Variants in CDH13 observed in about 807,000 individuals in gnomAD.
CDH13 encodes the protein cadherin-13.
CDH13 carries 24 observed loss-of-function variants against 63.8 expected under a neutral mutation model. The observed-to-expected ratio is 0.38, with a 90% CI of 0.27 to 0.53. The LOEUF is 0.53. Ranked by LOEUF, CDH13 falls within the 20% of genes least tolerant of loss-of-function variation. The probability of loss-of-function intolerance (pLI) is 0.85; values close to 1 mark genes in which losing one functional copy is unlikely to be tolerated. For missense variants in CDH13, 1,049 were observed against 903.1 expected, an observed-to-expected ratio of 1.16 and a Z score of -2.07; for synonymous variants, 503 against 355.3, an observed-to-expected ratio of 1.42 and a Z score of -4.67.
intron 6 of CDH13, among the ~76,000 whole-genome samples, chr16:83,456,703 C>T (rs931642627): frequency 1.1e-4 from 16 of 152,170 alleles, no homozygotes; most frequent in Middle Eastern, 3.4e-3. Flanking sequence ...GGTTCATGAC[C>T]GTAATCCCAG....
intron 5 of CDH13, among the ~76,000 whole-genome samples, chr16:83,334,359 TCTCACACACACACACA>T (rs1229777135): frequency 1.9e-4 from 17 of 88,558 alleles, no homozygotes; most frequent in Middle Eastern, 6.3e-3. Flanking sequence ...TCTCTCTCTC[TCTCACACACACACACA>T]CACACACACA....
chr16:83,537,876 C>T (rs2075224545), intron 7 of CDH13, among the ~76,000 whole-genome samples: 1 of 152,090 alleles, frequency 6.6e-6, no homozygotes, highest in Non-Finnish European at 1.5e-5. Context: ...TATTTTATAC[C>T]ATAACTATAT....
chr16:83,265,727 CTT>C (rs71272416), intron 5 of CDH13, among the ~76,000 whole-genome samples: 31 of 42,556 alleles, frequency 7.3e-4, no homozygotes, highest in Admixed American at 1.1e-3. Context: ...TAAATTTCTG[CTT>C]TTTTTTTTTT....
At chr16:83,697,616 G>T (rs942226178) in intron 10 of CDH13, among the ~76,000 whole-genome samples, 1 of 152,186 alleles carries the variant, frequency 6.6e-6, no homozygotes, top group Non-Finnish European at 1.5e-5. Flanking sequence ...GTTGTGACCA[G>T]AGGCTTGAGG....
chr16:82,636,966 C>T (rs148196757), intron 1 of CDH13, among the ~76,000 whole-genome samples: 5 of 152,154 alleles, frequency 3.3e-5, no homozygotes, highest in African/African-American at 1.2e-4. Context: ...CGTGGTATGA[C>T]CTTCAGCAAG....
chr16:82,937,188 T>G (rs773650540), intron 2 of CDH13, among the ~76,000 whole-genome samples: 19 of 152,188 alleles, frequency 1.2e-4, no homozygotes, highest in Non-Finnish European at 2.8e-4. Context: ...GTTTTGCTTT[T>G]TCTTTTTTTT....
intron 1 of CDH13, among the ~76,000 whole-genome samples, chr16:82,684,041 A>G (rs572202651): frequency 5.3e-5 from 8 of 152,322 alleles, no homozygotes; most frequent in South Asian, 2.1e-4. Flanking sequence ...CCCAAGGACT[A>G]TTTATATTGA....
intron 4 of CDH13, among the ~76,000 whole-genome samples, chr16:83,163,515 G>A (rs2037535851): frequency 6.6e-6 from 1 of 152,120 alleles, no homozygotes; most frequent in Non-Finnish European, 1.5e-5. Flanking sequence ...CAGCATTATA[G>A]TAGAGCCATT....
intron 2 of CDH13, among the ~76,000 whole-genome samples, chr16:82,895,287 A>G (rs147978643): frequency 0.011 from 1,712 of 152,290 alleles, 97 homozygotes; most frequent in Admixed American, 0.1. Context: ...TAAGAAGAAA[A>G]GACACCCACA....
At chr16:83,382,096 G>A (rs2091578966) in intron 6 of CDH13, among the ~76,000 whole-genome samples, 1 of 152,182 alleles carries the variant, frequency 6.6e-6, no homozygotes, top group Admixed American at 6.5e-5. Flanking sequence ...TTATTGTGTG[G>A]TTGTGAGTAA....
At chr16:82,729,092 T>C (rs539496286) in intron 1 of CDH13, among the ~76,000 whole-genome samples, 1 of 152,274 alleles carries the variant, frequency 6.6e-6, no homozygotes, top group African/African-American at 2.4e-5. Context: ...TTCCACCACA[T>C]CTGCCGTTAC....
At chr16:83,283,936 C>G (rs373081387) in intron 5 of CDH13, among the ~76,000 whole-genome samples, 46 of 152,170 alleles carry the variant, frequency 3.0e-4, no homozygotes, top group African/African-American at 1.1e-3. Context: ...CAGCATTTGA[C>G]ACATAGCAAG....
At chr16:83,649,933 G>A (rs1912203185) in intron 8 of CDH13, among the ~76,000 whole-genome samples, 1 of 152,178 alleles carries the variant, frequency 6.6e-6, no homozygotes. Context: ...GCATAGGGAG[G>A]GGAAAATGGA....
chr16:83,323,182 C>CTTTG, intron 5 of CDH13, among the ~76,000 whole-genome samples: 2 of 60,932 alleles, frequency 3.3e-5, no homozygotes, highest in Non-Finnish European at 6.8e-5. Context: ...TTTTTTCTTT[C>CTTTG]TTTCTTTCTT....
intron 6 of CDH13, among the ~76,000 whole-genome samples, chr16:83,446,628 A>G (rs2072696059): frequency 6.6e-6 from 1 of 152,178 alleles, no homozygotes; most frequent in South Asian, 2.1e-4. Context: ...TCATTTCTCC[A>G]TCTCCTCTCT....
At chr16:83,498,709 A>G (rs1309137068) in intron 7 of CDH13, among the ~76,000 whole-genome samples, 1 of 152,206 alleles carries the variant, frequency 6.6e-6, no homozygotes, top group Non-Finnish European at 1.5e-5. Context: ...ACAAATCAAT[A>G]TTATTGATAT....
chr16:82,832,066 G>T (rs1252204510), intron 1 of CDH13, among the ~76,000 whole-genome samples: 2 of 152,180 alleles, frequency 1.3e-5, no homozygotes, highest in South Asian at 2.1e-4. Flanking sequence ...TCGACCTTCT[G>T]TGTGACCCTT....
chr16:82,858,299 C>A, intron 1 of CDH13, 63 bp from the exon 2 acceptor site: 1 of 1,133,374 alleles, frequency 8.8e-7, no homozygotes, highest in African/African-American at 1.5e-5. Context: ...GCGGATTTGG[C>A]GAAAGTTAGC....
intron 1 of CDH13, among the ~76,000 whole-genome samples, chr16:82,673,092 T>G (rs1913485967): frequency 6.9e-6 from 1 of 144,540 alleles, no homozygotes; most frequent in African/African-American, 2.5e-5. Flanking sequence ...TCTTTCCACC[T>G]TGGCCTTACA....
Sources: gnomAD v4.1 joint callset for allele counts (sites outside exome capture counted in the v4.1 genomes callset) on GRCh38, gnomAD v4.1.1 for gene constraint, MANE v1.5 for transcripts, NCBI Gene and HGNC (gene_info 2026-07-23, HGNC 2026-07-21) for gene names.